The following AGAP1 variants were observed in gnomAD, a reference collection of about 807,000 sequenced individuals.
AGAP1 encodes the protein arf-GAP with GTPase, ANK repeat and PH domain-containing protein 1.
In AGAP1, 29 loss-of-function variants were observed where a neutral mutation model predicts 105.3. The observed-to-expected ratio is 0.28, with a 90% CI of 0.21 to 0.38. The LOEUF (loss-of-function observed/expected upper bound fraction) is 0.38. Ranked by LOEUF, AGAP1 falls within the 10% of genes least tolerant of loss-of-function variation. The probability of loss-of-function intolerance (pLI) is 1.00; values close to 1 mark genes in which losing one functional copy is unlikely to be tolerated. For missense variants in AGAP1, 998 were observed against 1,165.1 expected, an observed-to-expected ratio of 0.86 and a Z score of 2.09; for synonymous variants, 509 against 485.9, an observed-to-expected ratio of 1.05 and a Z score of -0.63.
chr2:235,696,272 C>T (rs1017707288), intron 1 of AGAP1, among the ~76,000 whole-genome samples: 5 of 152,208 alleles, frequency 3.3e-5, no homozygotes, highest in Non-Finnish European at 7.3e-5. Flanking sequence ...TCTTGAACTC[C>T]TGACCTCGGG....
At chr2:235,800,488 T>C (rs1259255998) in intron 8 of AGAP1, among the ~76,000 whole-genome samples, 1 of 152,154 alleles carries the variant, frequency 6.6e-6, no homozygotes, top group Non-Finnish European at 1.5e-5. Flanking sequence ...TGCCAGCCTG[T>C]CCCTTCCCTG....
Position 236,124,108 on chromosome 2 carries a change from C to T in AGAP1, c.2560C>T (p.Pro854Ser). Residue 854 changes from proline to serine, a missense_variant, in exon 18 of 18, where the codon CCC becomes TCC. This residue lies in a region of AGAP1 where 235 missense variants were observed against 270.7 expected (regional missense o/e 0.87). Transcript: ENST00000304032. This position sits in a 1 kb window ranked among gnomAD's most constrained non-coding sequence, Gnocchi z 5.1. ...NNRNNSSGRV[P>S]TII ...CCGGAACAACAGCAGTGGGAGGGTG[C>T]CCACCATCATCTGAGGAACAGCCGT... The T allele has an allele frequency of 1.9e-6, 3 of 1,613,968 alleles. No individual in the cohort carries two copies. The highest frequency in any genetic ancestry group is 2.5e-6 in the Non-Finnish European group (3 of 1,179,940).
At chr2:235,645,977 C>T (rs1373362883) in intron 1 of AGAP1, among the ~76,000 whole-genome samples, 1 of 152,030 alleles carries the variant, frequency 6.6e-6, no homozygotes, top group African/African-American at 2.4e-5. Flanking sequence ...TCTTGGTTGA[C>T]ATCAAGAAGG....
At chr2:235,785,750 T>G (rs997555151) in intron 6 of AGAP1, among the ~76,000 whole-genome samples, 3 of 152,258 alleles carry the variant, frequency 2.0e-5, no homozygotes, top group African/African-American at 7.2e-5. Context: ...TTTGTATGTT[T>G]TAAAATCCTT....
At position 235,983,598 on chromosome 2, in the gene AGAP1, G is replaced by A. The variant is rs547380871; in HGVS notation, c.1645+14975G>A. 1.3e-5 allele frequency among the ~76,000 whole-genome samples: 2 copies of A among 152,088 alleles called. No homozygotes were observed. Among genetic ancestry groups the A allele is most frequent in the South Asian group, 4.2e-4 (2 of 4,806 alleles). ...ACATTACAACATTTTGTTCAATGATGGACCAAGTAATGTGATGGTGGTCCC... is the reference window on the plus strand; with the variant it reads ...ACATTACAACATTTTGTTCAATGATAGACCAAGTAATGTGATGGTGGTCCC... On this transcript the variant is annotated intron_variant, in intron 13 of 17. Coordinates refer to ENST00000304032, the MANE Select transcript of AGAP1 (RefSeq NM_001037131.3). The surrounding 1 kb of genome is among the most constrained non-coding windows in gnomAD (Gnocchi z 4.5).
chr2:235,680,008 A>G (rs543546566), intron 1 of AGAP1, among the ~76,000 whole-genome samples: 1 of 152,348 alleles, frequency 6.6e-6, no homozygotes, highest in South Asian at 2.1e-4. Flanking sequence ...GTAACGTACT[A>G]CTACTTTGGA....
rs1447343620 is a variant in AGAP1, at chr2:235,754,027, G to A, written c.673+3539G>A. On this transcript the variant is annotated intron_variant, in intron 6 of 17. Coordinates refer to ENST00000304032, the MANE Select transcript of AGAP1 (RefSeq NM_001037131.3). The surrounding 1 kb of genome is among the most constrained non-coding windows in gnomAD (Gnocchi z 4.6). ...CTCAAGGAAAGTTAAACATTGTAAG[G>A]TTTATATAAAGTTGAAGAAATTGAG... Among the ~76,000 whole-genome samples, 1 of 152,160 alleles carries A rather than the reference G, an allele frequency of 6.6e-6. No individual in the cohort carries two copies. Among genetic ancestry groups the A allele is most frequent in the Non-Finnish European group, 1.5e-5 (1 of 68,030 alleles).
intron 1 of AGAP1, among the ~76,000 whole-genome samples, chr2:235,646,106 C>CTGTACTGAAA (rs1947374180): frequency 6.6e-6 from 1 of 151,974 alleles, no homozygotes; most frequent in African/African-American, 2.4e-5. Flanking sequence ...GAAATCTAGT[C>CTGTACTGAAA]TGTACTGAAA....
rs1364615455 is a variant in AGAP1, at chr2:236,061,807, C to T, written c.2114+12526C>T. 1.4e-5 allele frequency among the ~76,000 whole-genome samples: 2 copies of T among 148,066 alleles called. No homozygotes were observed. Among genetic ancestry groups the T allele is most frequent in the Non-Finnish European group, 3.0e-5 (2 of 67,364 alleles). ...TAGTAGTGATGGTTGTACATCCTTG[C>T]AAATATACTAAAAACCACTGAGTTG... is the stretch of plus-strand genomic sequence containing the variant. On this transcript the variant is annotated intron_variant, in intron 16 of 17. Transcript: ENST00000304032. The surrounding 1 kb of genome is among the most constrained non-coding windows in gnomAD (Gnocchi z 4.1).
chr2:235,826,518 C>A lies in AGAP1; in HGVS notation c.1050+19187C>A, dbSNP rs139184706. 7.2e-5 allele frequency among the ~76,000 whole-genome samples: 11 copies of A among 151,982 alleles called. No homozygotes were observed. The East Asian group carries it at 2.1e-3, about 29-fold the overall frequency. ...AGGCTGGAGTGCAGTGGCACGATCT[C>A]GGCTCACTGCAACCTCCACCTCCCA... On this transcript the variant is annotated intron_variant, in intron 9 of 17. Transcript: ENST00000304032.
chr2:235,613,091 G>T (rs145386933), intron 1 of AGAP1, among the ~76,000 whole-genome samples: 306 of 150,140 alleles, frequency 2.0e-3, no homozygotes, highest in Admixed American at 3.9e-3. Flanking sequence ...GCAGTGGTAC[G>T]ATCTCGGCTC....
intron 1 of AGAP1, among the ~76,000 whole-genome samples, chr2:235,651,582 C>T (rs1266468986): frequency 1.3e-5 from 2 of 152,080 alleles, no homozygotes; most frequent in African/African-American, 2.4e-5. Flanking sequence ...GTGATGTCGA[C>T]GACGTAGACA....
chr2:235,946,271 T>G (rs2053496278), intron 12 of AGAP1, among the ~76,000 whole-genome samples: 1 of 148,312 alleles, frequency 6.7e-6, no homozygotes, highest in African/African-American at 2.5e-5. Context: ...TGGATCATAA[T>G]AGGCTTTTTT....
chr2:236,129,815 C>A lies in AGAP1; in HGVS notation c.*5693C>A, dbSNP rs114517706. 1 of 152,162 alleles carries A rather than the reference C, an allele frequency of 6.6e-6. No individual in the cohort carries two copies. Among genetic ancestry groups the A allele is most frequent in the African/African-American group, 2.4e-5 (1 of 41,452 alleles). 9.4% of individuals were successfully genotyped at this position (152,162 alleles called of 1,614,324 possible). ...GGAAACCAACAAGTCTTTTTTAAAT[C>A]TTTGAGTTGTATGAGAAAGTATTTA... On this transcript the variant is annotated 3_prime_UTR_variant, in exon 18 of 18. Coordinates refer to ENST00000304032, the MANE Select transcript of AGAP1 (RefSeq NM_001037131.3). The surrounding 1 kb of genome is among the most constrained non-coding windows in gnomAD (Gnocchi z 6.2).
At chr2:235,935,959 A>G (rs2052966599) in intron 12 of AGAP1, among the ~76,000 whole-genome samples, 1 of 152,060 alleles carries the variant, frequency 6.6e-6, no homozygotes, top group Non-Finnish European at 1.5e-5. Flanking sequence ...CCTCCTGAGT[A>G]CCTGGGTGAG....
rs1369749652 is a variant in AGAP1 at position 235,639,072 on chromosome 2, GC to G, written c.164-70105del. Among the ~76,000 whole-genome samples the G allele has an allele frequency of 6.6e-6, 1 of 152,178 alleles. No individual in the cohort carries two copies. Among genetic ancestry groups the G allele is most frequent in the Non-Finnish European group, 1.5e-5 (1 of 68,028 alleles). Reference sequence around the variant, plus strand: ...GAGAAGGGGACAAAAGAGTCTTAGAGCCATTTGAGAGGGAGCTTCTAGAGGA... The same window carrying G: ...GAGAAGGGGACAAAAGAGTCTTAGAGCATTTGAGAGGGAGCTTCTAGAGGA... On this transcript the variant is annotated intron_variant, in intron 1 of 17. Coordinates refer to ENST00000304032, the MANE Select transcript of AGAP1 (RefSeq NM_001037131.3). The surrounding 1 kb of genome is among the most constrained non-coding windows in gnomAD (Gnocchi z 5.3).
At position 236,082,953 on chromosome 2, in the gene AGAP1, C is replaced by A. The variant is rs1490447146; in HGVS notation, c.2114+33672C>A. Among the ~76,000 whole-genome samples, 1 of 151,770 alleles carries A rather than the reference C, an allele frequency of 6.6e-6. No homozygotes were observed. The highest frequency in any genetic ancestry group is 2.4e-5 in the African/African-American group (1 of 41,262). ...GCCGGATCACCTGAGGTCAGGAATT[C>A]AAGACCAGCCTGACCAACATGGAGA... On this transcript the variant is annotated intron_variant, in intron 16 of 17. Transcript: ENST00000304032. This position sits in a 1 kb window ranked among gnomAD's most constrained non-coding sequence, Gnocchi z 4.2.
chr2:235,867,536 AGTGTGTGT>A lies in AGAP1; in HGVS notation c.1051-15777_1051-15770del, dbSNP rs61257818. On this transcript the variant is annotated intron_variant, in intron 9 of 17. Transcript: ENST00000304032. This position sits in a 1 kb window ranked among gnomAD's most constrained non-coding sequence, Gnocchi z 5.4. ...ATCATACACCTTATGCTGGTGCTGC[AGTGTGTGT>A]GTGTGTGTGTGTGTGTGTGTGTGTG... is the stretch of plus-strand genomic sequence containing the variant. Among the ~76,000 whole-genome samples, 113 of 123,330 alleles carry A rather than the reference AGTGTGTGT, an allele frequency of 9.2e-4. 1 individual carries two copies. Among genetic ancestry groups the A allele is most frequent in the Middle Eastern group, 4.1e-3 (1 of 246 alleles). 80.9% of individuals were successfully genotyped at this position (123,330 alleles called of 152,430 possible). A position where few individuals can be genotyped will look rare whatever the true frequency, so the allele number is the denominator to read the frequency against.
intron 6 of AGAP1, among the ~76,000 whole-genome samples, chr2:235,794,568 T>C (rs1957154443): frequency 6.6e-6 from 1 of 152,130 alleles, no homozygotes; most frequent in Admixed American, 6.5e-5. Flanking sequence ...GCCTCCCCGG[T>C]TCAAGTGATT....
Sources: gnomAD v4.1 joint callset for allele counts (sites outside exome capture counted in the v4.1 genomes callset) on GRCh38, gnomAD v4.1.1 for gene constraint, gnomAD v4.1.1 regional missense constraint, Gnocchi (gnomAD v3.1) non-coding constraint, MANE v1.5 for transcripts, NCBI Gene and HGNC (gene_info 2026-07-23, HGNC 2026-07-21) for gene names.